LUC7L2: variants seen among roughly 807,000 people sequenced by gnomAD.
LUC7L2 encodes putative RNA-binding protein Luc7-like 2.
Under a neutral mutation model 52.8 loss-of-function variants are expected in LUC7L2, and 25 were observed. The ratio of observed to expected loss-of-function variants is 0.47; its 90% CI spans 0.34 to 0.66. The LOEUF is 0.66. Ranked by LOEUF, LUC7L2 falls within the 30% of genes least tolerant of loss-of-function variation. The pLI is 0.01. For synonymous variants in LUC7L2, 144 were observed against 160.9 expected, an observed-to-expected ratio of 0.89 and a Z score of 0.80; for missense variants, 328 against 497.8, an observed-to-expected ratio of 0.66 and a Z score of 3.25.
chr7:139,378,481 G>A (rs1044705688), intron 2 of LUC7L2, among the ~76,000 whole-genome samples: 5 of 152,052 alleles, frequency 3.3e-5, no homozygotes, highest in Admixed American at 6.5e-5. Flanking sequence ...GGCTAAGACA[G>A]GAGGAATGCT....
chr7:139,345,683 AG>A, intron 1 of LUC7L2: 2 of 1,614,102 alleles, frequency 1.2e-6, no homozygotes, highest in Non-Finnish European at 1.7e-6. Flanking sequence ...ATCAGCCTGG[AG>A]GGAAGGGCTG....
intron 2 of LUC7L2, among the ~76,000 whole-genome samples, chr7:139,395,763 C>T (rs1794632164): frequency 2.0e-5 from 3 of 152,132 alleles, no homozygotes; most frequent in Non-Finnish European, 4.4e-5. Flanking sequence ...GCCTCTGTCT[C>T]CTCAGGAGCT....
intron 2 of LUC7L2, among the ~76,000 whole-genome samples, chr7:139,376,811 C>G (rs980030171): frequency 1.4e-4 from 22 of 152,168 alleles, no homozygotes; most frequent in African/African-American, 5.3e-4. Context: ...TTCATAGTTG[C>G]ATCTGATGCT....
chr7:139,381,878 A>ATTTTTTTT (rs57302073), intron 2 of LUC7L2, among the ~76,000 whole-genome samples: 1 of 105,176 alleles, frequency 9.5e-6, no homozygotes, highest in Non-Finnish European at 1.9e-5. Flanking sequence ...GCCTGGCCTA[A>ATTTTTTTT]TTTTTTTTTT....
At chr7:139,355,151 G>A (rs1289840473), upstream of LUC7L2, among the ~76,000 whole-genome samples, 1 of 152,014 alleles carries the variant, frequency 6.6e-6, no homozygotes, top group Non-Finnish European at 1.5e-5. Flanking sequence ...GTGAGCCATG[G>A]TGCCCACCCA....
Position 139,341,375 on chromosome 7 carries a change from G to A in LUC7L2, c.-26+858G>A, listed in dbSNP as rs1435972561. ...GCCGTTGGGCACCACGCTCGGAGAA[G>A]GACAGGACAATGGCGGCCTTAGGGT... On this transcript the variant is annotated intron_variant, in intron 1 of 10. Transcript: ENST00000541170. 1.9e-6 allele frequency: 3 copies of A among 1,610,806 alleles called. No individual in the cohort carries two copies. In the African/African-American group the frequency reaches 4.0e-5, roughly 21 times the overall value.
At chr7:139,387,325 C>G (rs1794245758) in intron 2 of LUC7L2, among the ~76,000 whole-genome samples, 1 of 152,000 alleles carries the variant, frequency 6.6e-6, no homozygotes, top group African/African-American at 2.4e-5. Context: ...TCCCGAGTAG[C>G]TGGGACTGCA....
chr7:139,380,188 TAATA>T (rs1052323218), intron 2 of LUC7L2, among the ~76,000 whole-genome samples: 2 of 151,796 alleles, frequency 1.3e-5, no homozygotes, highest in Non-Finnish European at 2.9e-5. Context: ...CAAAATAAAT[TAATA>T]AATTAATCAG....
intron 6 of LUC7L2, among the ~76,000 whole-genome samples, chr7:139,408,467 TG>T (rs1022697637): frequency 5.9e-5 from 9 of 152,226 alleles, no homozygotes; most frequent in African/African-American, 2.2e-4. Flanking sequence ...TAATGGTTGA[TG>T]TTTTTTTAAA....
chr7:139,355,042 G>A (rs896963817), upstream of LUC7L2, among the ~76,000 whole-genome samples: 2 of 151,954 alleles, frequency 1.3e-5, no homozygotes, highest in African/African-American at 4.8e-5. Context: ...TGTACTTTTT[G>A]TAGAGACAGG....
intron 1 of LUC7L2, 134 bp downstream of exon 1, chr7:139,360,456 C>G (rs903993816): frequency 1.2e-5 from 9 of 742,812 alleles, no homozygotes; most frequent in Non-Finnish European, 1.7e-5. Context: ...AGGTCCCCGT[C>G]CCCCGTCCCA....
At chr7:139,410,328 A>G (rs886596176) in intron 7 of LUC7L2, among the ~76,000 whole-genome samples, 1 of 152,204 alleles carries the variant, frequency 6.6e-6, no homozygotes, top group Non-Finnish European at 1.5e-5. Flanking sequence ...TTTGTTAACA[A>G]AAGGTTTAAG....
At chr7:139,363,746 C>T (rs1180826838) in intron 1 of LUC7L2, among the ~76,000 whole-genome samples, 2 of 152,100 alleles carry the variant, frequency 1.3e-5, no homozygotes, top group African/African-American at 2.4e-5. Flanking sequence ...CAGGAAAATC[C>T]AAGAAACAGT....
chr7:139,387,810 T>A (rs1328178796), intron 2 of LUC7L2, among the ~76,000 whole-genome samples: 2 of 152,112 alleles, frequency 1.3e-5, no homozygotes, highest in Non-Finnish European at 2.9e-5. Context: ...TGAAGTGCAG[T>A]AGTGTCATTA....
chr7:139,367,445 C>G (rs17160877), intron 1 of LUC7L2, among the ~76,000 whole-genome samples: 4,487 of 152,178 alleles, frequency 0.029, 237 homozygotes, highest in African/African-American at 0.1. Flanking sequence ...CTTAGGGTTC[C>G]TGTGCTAAAA....
In LUC7L2 at chr7:139,360,434, A is replaced by G. The variant is rs565721402; in HGVS notation, c.61+112A>G. 1.0e-4 allele frequency: 98 copies of G among 969,044 alleles called. 1 individual carries two copies. In the South Asian group the frequency reaches 1.5e-3, roughly 15 times the overall value. 60.0% of individuals were successfully genotyped at this position (969,044 alleles called of 1,614,324 possible). ...GTGTGGCTGAGTAAGGGGCTCCCAG[A>G]TTGGTAACACGAGGTCCCCGTCCCC... On this transcript the variant is annotated intron_variant, in intron 1 of 9. Transcript: ENST00000354926.
intron 5 of LUC7L2, among the ~76,000 whole-genome samples, chr7:139,406,113 A>G (rs908906689): frequency 1.3e-5 from 2 of 152,140 alleles, no homozygotes; most frequent in African/African-American, 4.8e-5. Flanking sequence ...GTGCAATGGC[A>G]TGATCTCAGC....
At chr7:139,354,098 A>T (rs557971045) in intron 1 of LUC7L2, among the ~76,000 whole-genome samples, 1 of 147,800 alleles carries the variant, frequency 6.8e-6, no homozygotes, top group South Asian at 2.1e-4. Flanking sequence ...CCTGGGCAAT[A>T]GAGACTCGGT....
chr7:139,345,609 T>C (rs1241555502), intron 1 of LUC7L2: 3 of 1,614,128 alleles, frequency 1.9e-6, no homozygotes, highest in Non-Finnish European at 2.5e-6. Context: ...ACATCAGGAA[T>C]TTCATGGCAA....
Sources: gnomAD v4.1 joint callset for allele counts (sites outside exome capture counted in the v4.1 genomes callset) on GRCh38, gnomAD v4.1.1 for gene constraint, MANE v1.5 for transcripts, NCBI Gene and HGNC (gene_info 2026-07-23, HGNC 2026-07-21) for gene names.